Variants in RNF24 observed in about 807,000 individuals in gnomAD.
RNF24 encodes ring finger protein 24.
RNF24 carries 14 observed loss-of-function variants against 20.0 expected under a neutral mutation model. The ratio of observed to expected loss-of-function variants is 0.70; its 90% CI spans 0.46 to 1.10. The LOEUF is 1.10. RNF24 is among the 50% of genes least tolerant of loss of function. The probability of loss-of-function intolerance (pLI) is 0.00; values close to 1 mark genes in which losing one functional copy is unlikely to be tolerated. For synonymous variants in RNF24, 45 were observed against 61.1 expected (o/e 0.74, Z 1.23); for missense variants, 124 against 177.6 (o/e 0.70, Z 1.71).
At chr20:3,967,225 C>G (rs1383055208) in intron 1 of RNF24, among the ~76,000 whole-genome samples, 1 of 152,128 alleles carries the variant, frequency 6.6e-6, no homozygotes, top group Admixed American at 6.6e-5. Context: ...AATATGCATT[C>G]TTTGCTATTG....
At chr20:4,004,370 T>C (rs1003542636) in intron 1 of RNF24, among the ~76,000 whole-genome samples, 3 of 152,274 alleles carry the variant, frequency 2.0e-5, no homozygotes, top group Non-Finnish European at 4.4e-5. Flanking sequence ...GAGACAGTAG[T>C]CAAAGTAAAA....
rs2090847567 is a variant in RNF24 at position 3,933,269 on chromosome 20, C to T, written c.*794G>A. 2.5e-6 allele frequency: 1 copy of T among 397,828 alleles called. No individual in the cohort carries two copies. Among genetic ancestry groups the T allele is most frequent in the Non-Finnish European group, 4.4e-6 (1 of 226,082 alleles). 24.6% of individuals were successfully genotyped at this position (397,828 alleles called of 1,614,324 possible). A position where few individuals can be genotyped will look rare whatever the true frequency, so the allele number is the denominator to read the frequency against. On this transcript the variant is annotated 3_prime_UTR_variant, in exon 6 of 6. Coordinates refer to ENST00000358395, the MANE Select transcript of RNF24 (RefSeq NM_001134337.3). ...TCCCTTCTGAGGCAGTGGCAGTGGG[C>T]TCACAGCAGCTACACTGGAACCACA...
chr20:3,972,158 T>C (rs1420275306), intron 1 of RNF24, among the ~76,000 whole-genome samples: 2 of 152,014 alleles, frequency 1.3e-5, no homozygotes, highest in Non-Finnish European at 2.9e-5. Flanking sequence ...AAGGAAAAAC[T>C]GACTGAACTG....
At chr20:3,950,397 A>ACAAG (rs1211481747) in intron 2 of RNF24, among the ~76,000 whole-genome samples, 2 of 152,228 alleles carry the variant, frequency 1.3e-5, no homozygotes, top group Non-Finnish European at 2.9e-5. Context: ...TGAGGCAGCT[A>ACAAG]CAAGCCAAGG....
At chr20:3,995,773 C>T (rs1160451456) in intron 1 of RNF24, among the ~76,000 whole-genome samples, 1 of 151,606 alleles carries the variant, frequency 6.6e-6, no homozygotes, top group African/African-American at 2.4e-5. Context: ...ACAACTGAGA[C>T]GATGGGGCAG....
At chr20:3,952,152 G>GAA (rs59341739) in intron 2 of RNF24, among the ~76,000 whole-genome samples, 4 of 133,568 alleles carry the variant, frequency 3.0e-5, no homozygotes, top group Non-Finnish European at 3.3e-5. Context: ...ATTTCCACCA[G>GAA]AAAAAAAAAA....
intron 4 of RNF24, among the ~76,000 whole-genome samples, chr20:3,937,635 C>T (rs564034104): frequency 6.8e-6 from 1 of 148,064 alleles, no homozygotes; most frequent in East Asian, 2.0e-4. Flanking sequence ...TCTCTGGCAA[C>T]CAACCACTAA....
chr20:3,968,215 T>C (rs909923300), intron 1 of RNF24, among the ~76,000 whole-genome samples: 1 of 151,878 alleles, frequency 6.6e-6, no homozygotes, highest in African/African-American at 2.4e-5. Context: ...TGAGGCAGAT[T>C]AGCTTCAACC....
chr20:4,013,994 A>T (rs1268552026), intron 1 of RNF24, among the ~76,000 whole-genome samples: 2 of 152,266 alleles, frequency 1.3e-5, no homozygotes, highest in Non-Finnish European at 2.9e-5. Flanking sequence ...ATTGGTCTAC[A>T]ACAACTGCAA....
At chr20:3,945,903 T>A (rs2091010748) in intron 3 of RNF24, among the ~76,000 whole-genome samples, 1 of 152,080 alleles carries the variant, frequency 6.6e-6, no homozygotes, top group Admixed American at 6.6e-5. Flanking sequence ...GCAAGTAAAA[T>A]TTGAGGGAAA....
At chr20:3,949,720 A>G (rs990540867) in intron 2 of RNF24, among the ~76,000 whole-genome samples, 4 of 152,156 alleles carry the variant, frequency 2.6e-5, no homozygotes, top group African/African-American at 7.2e-5. Context: ...TTTTACTTCT[A>G]TGGGTAGTTT....
chr20:3,933,226 C>G lies in RNF24; in HGVS notation c.*837G>C. ...AAAGCCACTGCTCTTTGGAGCCACTCGAGAGGTTCACAGTGGCTCCCTTCT... is the reference window on the plus strand; with the variant it reads ...AAAGCCACTGCTCTTTGGAGCCACTGGAGAGGTTCACAGTGGCTCCCTTCT... On this transcript the variant is annotated 3_prime_UTR_variant, in exon 6 of 6. Transcript: ENST00000358395. 2.5e-6 allele frequency: 1 copy of G among 398,406 alleles called. No homozygotes were observed. Among genetic ancestry groups the G allele is most frequent in the Non-Finnish European group, 4.4e-6 (1 of 226,070 alleles). 24.7% of individuals were successfully genotyped at this position (398,406 alleles called of 1,614,324 possible). A position where few individuals can be genotyped will look rare whatever the true frequency, so the allele number is the denominator to read the frequency against.
chr20:3,960,560 C>T (rs1487840834), intron 2 of RNF24, among the ~76,000 whole-genome samples: 1 of 151,628 alleles, frequency 6.6e-6, no homozygotes, highest in Non-Finnish European at 1.5e-5. Context: ...CCCAGCTACT[C>T]GGGAGGCTGA....
chr20:3,998,403 C>A lies in RNF24; in HGVS notation c.-8+17034G>T, dbSNP rs986684172. Reference sequence around the variant, plus strand: ...CAGCCTGACCAGTATGGTGAAACCCCGTCTCTACTAAAAATACAAAAATTA... The same window carrying A: ...CAGCCTGACCAGTATGGTGAAACCCAGTCTCTACTAAAAATACAAAAATTA... On this transcript the variant is annotated intron_variant, in intron 1 of 5. Coordinates refer to ENST00000358395, the MANE Select transcript of RNF24 (RefSeq NM_001134337.3). 2.6e-5 allele frequency among the ~76,000 whole-genome samples: 4 copies of A among 151,426 alleles called. 1 individual carries two copies. In the East Asian group the frequency reaches 7.8e-4, roughly 29 times the overall value.
At chr20:3,993,323 T>C (rs1391757922) in intron 1 of RNF24, among the ~76,000 whole-genome samples, 2 of 152,034 alleles carry the variant, frequency 1.3e-5, no homozygotes, top group Non-Finnish European at 1.5e-5. Context: ...AGTCTCACTC[T>C]ACTACCCAGG....
chr20:3,979,928 T>C (rs944624182), intron 1 of RNF24, among the ~76,000 whole-genome samples: 154 of 151,804 alleles, frequency 1.0e-3, no homozygotes, highest in Non-Finnish European at 9.4e-4. Flanking sequence ...TTCTGGAAAG[T>C]AGAAAAAGAA....
At chr20:4,004,271 C>G (rs578212107) in intron 1 of RNF24, among the ~76,000 whole-genome samples, 1 of 152,300 alleles carries the variant, frequency 6.6e-6, no homozygotes, top group Admixed American at 6.5e-5. Context: ...TTCCCCTGAA[C>G]TTCAATCTTC....
intron 2 of RNF24, among the ~76,000 whole-genome samples, chr20:3,954,692 C>T (rs2091121481): frequency 6.6e-6 from 1 of 152,006 alleles, no homozygotes; most frequent in South Asian, 2.1e-4. Context: ...ATCATGAGGT[C>T]AGGAGTTCAA....
chr20:3,954,383 G>A (rs1354817975), intron 2 of RNF24, among the ~76,000 whole-genome samples: 1 of 152,062 alleles, frequency 6.6e-6, no homozygotes, highest in Non-Finnish European at 1.5e-5. Context: ...ATGTTTTTGA[G>A]GTTCATCCTG....
Sources: allele counts gnomAD v4.1 joint callset (sites outside exome capture counted in the v4.1 genomes callset), GRCh38; gene constraint gnomAD v4.1.1; transcripts MANE v1.5; gene names NCBI Gene and HGNC (gene_info 2026-07-23, HGNC 2026-07-21).